Variants in RAB27B observed in about 807,000 individuals in gnomAD.
RAB27B encodes ras-related protein Rab-27B.
In RAB27B, 15 loss-of-function variants were observed where a neutral mutation model predicts 24.6. The ratio of observed to expected loss-of-function variants is 0.61; its 90% CI spans 0.41 to 0.94. The LOEUF (loss-of-function observed/expected upper bound fraction) is 0.94. Ranked by LOEUF, RAB27B falls within the 40% of genes least tolerant of loss-of-function variation. The pLI is 0.00. For missense variants in RAB27B, 261 were observed against 266.8 expected, an observed-to-expected ratio of 0.98 and a Z score of 0.15; for synonymous variants, 105 against 92.5, an observed-to-expected ratio of 1.14 and a Z score of -0.78.
At chr18:54,793,437 A>G (rs1909316812) in intron 2 of RAB27B, among the ~76,000 whole-genome samples, 1 of 152,208 alleles carries the variant, frequency 6.6e-6, no homozygotes, top group Non-Finnish European at 1.5e-5. Context: ...TAGATAGGCG[A>G]TAAAGGACAA....
At chr18:54,869,724 G>A (rs1812483823) in intron 1 of RAB27B, among the ~76,000 whole-genome samples, 1 of 152,122 alleles carries the variant, frequency 6.6e-6, no homozygotes, top group South Asian at 2.1e-4. Flanking sequence ...TAACACTGGT[G>A]CTTTGTTTTC....
At chr18:54,878,674 G>A (rs902541951) in intron 2 of RAB27B, among the ~76,000 whole-genome samples, 9 of 151,882 alleles carry the variant, frequency 5.9e-5, no homozygotes, top group South Asian at 2.1e-4. Context: ...CCTTTAAAAC[G>A]TATTCACTAA....
chr18:54,749,101 C>G (rs1346978089), intron 2 of RAB27B, among the ~76,000 whole-genome samples: 2 of 152,158 alleles, frequency 1.3e-5, no homozygotes, highest in Non-Finnish European at 2.9e-5. Flanking sequence ...CTCCCAATCT[C>G]TTTTCTTCTT....
chr18:54,805,633 T>C (rs923302741), intron 2 of RAB27B, among the ~76,000 whole-genome samples: 1 of 152,192 alleles, frequency 6.6e-6, no homozygotes, highest in Non-Finnish European at 1.5e-5. Flanking sequence ...AATTCTAGCA[T>C]AGGTAATTTG....
At chr18:54,881,570 C>A (rs1328154421) in intron 3 of RAB27B, among the ~76,000 whole-genome samples, 1 of 152,096 alleles carries the variant, frequency 6.6e-6, no homozygotes, top group Non-Finnish European at 1.5e-5. Context: ...TTATTTCCTT[C>A]TTTATCTGCC....
intron 2 of RAB27B, among the ~76,000 whole-genome samples, chr18:54,799,758 T>A (rs1242280924): frequency 2.0e-5 from 3 of 151,200 alleles, no homozygotes; most frequent in African/African-American, 7.3e-5. Flanking sequence ...GCCTCCTGAG[T>A]AGATGGGATT....
intron 1 of RAB27B, among the ~76,000 whole-genome samples, chr18:54,854,651 G>A (rs961687796): frequency 7.2e-5 from 11 of 152,138 alleles, no homozygotes; most frequent in South Asian, 2.1e-4. Context: ...AAATTTGTCC[G>A]CAAGCAGACC....
At chr18:54,866,280 C>A (rs1311431457) in intron 1 of RAB27B, among the ~76,000 whole-genome samples, 1 of 151,840 alleles carries the variant, frequency 6.6e-6, no homozygotes, top group Non-Finnish European at 1.5e-5. Context: ...CGCCTCCCCG[C>A]CTCCCCGCCC....
chr18:54,788,271 G>T (rs1297235117), intron 2 of RAB27B, among the ~76,000 whole-genome samples: 1 of 152,134 alleles, frequency 6.6e-6, no homozygotes, highest in Non-Finnish European at 1.5e-5. Flanking sequence ...AAAGTATGGT[G>T]ATTCCACTGA....
intron 2 of RAB27B, among the ~76,000 whole-genome samples, chr18:54,792,811 C>T (rs1055626104): frequency 6.6e-6 from 1 of 152,162 alleles, no homozygotes; most frequent in African/African-American, 2.4e-5. Context: ...TCTAAAGTTC[C>T]GGTAGTACTC....
At chr18:54,855,194 A>G (rs1279645524) in intron 1 of RAB27B, among the ~76,000 whole-genome samples, 1 of 152,160 alleles carries the variant, frequency 6.6e-6, no homozygotes, top group Non-Finnish European at 1.5e-5. Context: ...GTGAGAATCT[A>G]ATGCTGCTGC....
chr18:54,842,347 A>G (rs1911151069), intron 1 of RAB27B, among the ~76,000 whole-genome samples: 1 of 152,228 alleles, frequency 6.6e-6, no homozygotes, highest in African/African-American at 2.4e-5. Flanking sequence ...GAATCGCTAG[A>G]GGACTTAATG....
At chr18:54,868,815 C>T (rs759753618) in intron 1 of RAB27B, among the ~76,000 whole-genome samples, 1 of 151,990 alleles carries the variant, frequency 6.6e-6, no homozygotes, top group African/African-American at 2.4e-5. Context: ...TTAGTAGAGA[C>T]GGGGTTTCAC....
At chr18:54,809,075 A>G (rs1909883184) in intron 2 of RAB27B, among the ~76,000 whole-genome samples, 1 of 152,166 alleles carries the variant, frequency 6.6e-6, no homozygotes, top group Non-Finnish European at 1.5e-5. Flanking sequence ...GTGTCACTGA[A>G]TTGTATTTTC....
chr18:54,745,419 G>A (rs1402699103), intron 2 of RAB27B: 3 of 153,932 alleles, frequency 1.9e-5, no homozygotes, highest in Non-Finnish European at 2.9e-5. Flanking sequence ...AGGGTAACTA[G>A]ACTGCTGCAT....
chr18:54,783,473 C>T (rs1908979393), intron 2 of RAB27B, among the ~76,000 whole-genome samples: 1 of 130,512 alleles, frequency 7.7e-6, no homozygotes, highest in Admixed American at 8.2e-5. Flanking sequence ...ATTATGAAGC[C>T]TATGGCTTTG....
chr18:54,871,318 A>G (rs1015698873), intron 1 of RAB27B, among the ~76,000 whole-genome samples: 15 of 152,238 alleles, frequency 9.9e-5, no homozygotes, highest in Non-Finnish European at 1.8e-4. Context: ...CCTTCAGGAC[A>G]TAAATGTGGT....
At chr18:54,841,775 C>T (rs1245766833) in intron 1 of RAB27B, among the ~76,000 whole-genome samples, 1 of 152,164 alleles carries the variant, frequency 6.6e-6, no homozygotes, top group Admixed American at 6.5e-5. Context: ...GTTGATTGCA[C>T]CTTAATAATT....
chr18:54,761,835 G>A (rs1226122946), intron 2 of RAB27B, among the ~76,000 whole-genome samples: 1 of 152,144 alleles, frequency 6.6e-6, no homozygotes, highest in Non-Finnish European at 1.5e-5. Flanking sequence ...CTTATTCCCT[G>A]TAGCAGATTG....
Sources: allele counts gnomAD v4.1 joint callset (sites outside exome capture counted in the v4.1 genomes callset), GRCh38; gene constraint gnomAD v4.1.1; transcripts MANE v1.5; gene names NCBI Gene and HGNC (gene_info 2026-07-23, HGNC 2026-07-21).